The following ELMO1 variants were observed in gnomAD, a reference collection of about 807,000 sequenced individuals.
ELMO1 encodes the protein engulfment and cell motility 1.
A neutral mutation model predicts 98.9 loss-of-function variants in ELMO1; 26 were observed. That is an observed-to-expected ratio of 0.26 (90% CI 0.19 to 0.36). The LOEUF is 0.36. ELMO1 is among the 10% of genes least tolerant of loss of function. The pLI is 1.00. For missense variants in ELMO1, 627 were observed against 935.2 expected, an observed-to-expected ratio of 0.67 and a Z score of 4.30; for synonymous variants, 346 against 346.0, an observed-to-expected ratio of 1.00 and a Z score of 0.00.
chr7:37,226,175 A>C (rs1242926820), intron 8 of ELMO1, among the ~76,000 whole-genome samples: 1 of 152,162 alleles, frequency 6.6e-6, no homozygotes, highest in Admixed American at 6.5e-5. Flanking sequence ...TCTGGATCTC[A>C]GGGGTGGGAA....
intron 16 of ELMO1, among the ~76,000 whole-genome samples, chr7:36,950,023 C>G (rs957829552): frequency 2.0e-5 from 3 of 152,196 alleles, no homozygotes; most frequent in African/African-American, 7.2e-5. Context: ...GCTGTGTTCG[C>G]CCCATGCTCC....
intron 1 of ELMO1, among the ~76,000 whole-genome samples, chr7:37,372,466 C>T (rs2131360187): frequency 6.6e-6 from 1 of 152,254 alleles, no homozygotes; most frequent in Non-Finnish European, 1.5e-5. Flanking sequence ...ACTACATGCT[C>T]AATAAATGAT....
chr7:37,128,044 T>C (rs951907430), intron 14 of ELMO1, among the ~76,000 whole-genome samples: 1 of 152,030 alleles, frequency 6.6e-6, no homozygotes, highest in Non-Finnish European at 1.5e-5. Flanking sequence ...AATACAAAAA[T>C]TAGCTGGGCA....
intron 13 of ELMO1, among the ~76,000 whole-genome samples, chr7:37,172,801 T>A (rs899244148): frequency 1.3e-5 from 2 of 152,144 alleles, no homozygotes; most frequent in African/African-American, 2.4e-5. Context: ...TAAAAAAAAA[T>A]TTGTTCCATG....
intron 20 of ELMO1, among the ~76,000 whole-genome samples, chr7:36,866,174 A>G (rs372040044): frequency 2.6e-5 from 4 of 152,238 alleles, no homozygotes; most frequent in Admixed American, 6.5e-5. Context: ...CTTAAAGCAC[A>G]CAGCCACAAA....
intron 16 of ELMO1, among the ~76,000 whole-genome samples, chr7:36,952,964 CTTTTTTTTT>C (rs70980904): frequency 8.3e-4 from 69 of 82,882 alleles, no homozygotes; most frequent in Admixed American, 4.1e-3. Context: ...AGTCACTACT[CTTTTTTTTT>C]TTTTTTTTTT....
intron 16 of ELMO1, among the ~76,000 whole-genome samples, chr7:37,001,849 C>T (rs1269749796): frequency 6.6e-6 from 1 of 152,126 alleles, no homozygotes; most frequent in Non-Finnish European, 1.5e-5. Context: ...GAACATCTTG[C>T]TGAGGCCACA....
chr7:37,430,366 C>T (rs1804883126), intron 1 of ELMO1, among the ~76,000 whole-genome samples: 1 of 152,176 alleles, frequency 6.6e-6, no homozygotes, highest in Non-Finnish European at 1.5e-5. Context: ...CATTTCCTGG[C>T]CTCAAGTGCC....
At chr7:37,136,250 T>C (rs999396238) in intron 13 of ELMO1, among the ~76,000 whole-genome samples, 8 of 152,210 alleles carry the variant, frequency 5.3e-5, no homozygotes, top group African/African-American at 1.4e-4. Flanking sequence ...CTAAGAATAA[T>C]TGGTGTTCCT....
At chr7:36,929,236 C>T (rs1785829550) in intron 16 of ELMO1, among the ~76,000 whole-genome samples, 2 of 152,194 alleles carry the variant, frequency 1.3e-5, no homozygotes. Context: ...GCACCACCAG[C>T]ACTGCACTGA....
chr7:37,184,384 C>G (rs1446088873), intron 13 of ELMO1, among the ~76,000 whole-genome samples: 1 of 152,124 alleles, frequency 6.6e-6, no homozygotes, highest in African/African-American at 2.4e-5. Flanking sequence ...TGTGGGGAGA[C>G]ACGGTTTAGG....
At chr7:37,442,296 A>C (rs1805444727) in intron 1 of ELMO1, among the ~76,000 whole-genome samples, 1 of 152,250 alleles carries the variant, frequency 6.6e-6, no homozygotes, top group African/African-American at 2.4e-5. Flanking sequence ...CCGTACAAGT[A>C]GCCTCAGCAT....
intron 13 of ELMO1, among the ~76,000 whole-genome samples, chr7:37,143,235 A>G (rs1308503793): frequency 6.6e-6 from 1 of 152,048 alleles, no homozygotes; most frequent in Non-Finnish European, 1.5e-5. Flanking sequence ...TAGCTTGCCC[A>G]AAGTTTCAGA....
intron 16 of ELMO1, among the ~76,000 whole-genome samples, chr7:36,952,185 T>C (rs1788017780): frequency 6.6e-6 from 1 of 152,134 alleles, no homozygotes; most frequent in Non-Finnish European, 1.5e-5. Flanking sequence ...CTGGGCTCAG[T>C]GTGGAACATG....
At chr7:37,065,770 C>A (rs1294360626) in intron 15 of ELMO1, among the ~76,000 whole-genome samples, 1 of 152,114 alleles carries the variant, frequency 6.6e-6, no homozygotes, top group Non-Finnish European at 1.5e-5. Context: ...ACTGGAGGAA[C>A]AAAACAAGCA....
intron 16 of ELMO1, among the ~76,000 whole-genome samples, chr7:36,992,370 G>C (rs536585745): frequency 5.9e-5 from 9 of 152,300 alleles, no homozygotes; most frequent in African/African-American, 2.2e-4. Flanking sequence ...CCAACATGAT[G>C]CATCTCTGAT....
At chr7:37,417,590 G>C (rs549819014) in intron 1 of ELMO1, among the ~76,000 whole-genome samples, 1 of 150,652 alleles carries the variant, frequency 6.6e-6, no homozygotes, top group South Asian at 2.1e-4. Flanking sequence ...CATGAACCCA[G>C]GAGGCGGAGC....
intron 15 of ELMO1, among the ~76,000 whole-genome samples, chr7:37,055,211 G>A (rs758690374): frequency 9.9e-5 from 15 of 152,230 alleles, no homozygotes; most frequent in Non-Finnish European, 1.9e-4. Flanking sequence ...ACAAAGAGCT[G>A]AGGCATCTAT....
chr7:37,236,875 G>A (rs751136295), intron 7 of ELMO1, among the ~76,000 whole-genome samples: 2 of 152,156 alleles, frequency 1.3e-5, no homozygotes, highest in African/African-American at 4.8e-5. Flanking sequence ...GCTCCAAACC[G>A]GGAAAGCAGA....
Sources: gnomAD v4.1 joint callset for allele counts (sites outside exome capture counted in the v4.1 genomes callset) on GRCh38, gnomAD v4.1.1 for gene constraint, MANE v1.5 for transcripts, NCBI Gene and HGNC (gene_info 2026-07-23, HGNC 2026-07-21) for gene names.